The following KAZN variants were observed in gnomAD, a reference collection of about 807,000 sequenced individuals.
KAZN encodes kazrin, periplakin interacting protein, also known as kazrin.
In KAZN, 40 loss-of-function variants were observed where a neutral mutation model predicts 87.4. That is an observed-to-expected ratio of 0.46 (90% CI 0.36 to 0.60). KAZN has a LOEUF of 0.60. Ranked by LOEUF, KAZN falls within the 20% of genes least tolerant of loss-of-function variation. The probability of loss-of-function intolerance (pLI) is 0.00; values close to 1 mark genes in which losing one functional copy is unlikely to be tolerated. For missense variants in KAZN, 898 were observed against 1,073.9 expected (o/e 0.84, Z 2.29); for synonymous variants, 466 against 458.3 (o/e 1.02, Z -0.22).
chr1:14,290,683 C>T (rs887554162), intron 2 of KAZN, among the ~76,000 whole-genome samples: 4 of 152,170 alleles, frequency 2.6e-5, no homozygotes, highest in Non-Finnish European at 4.4e-5. Context: ...CTTCTGTCAG[C>T]TTGTCAAAGT....
chr1:14,419,853 C>G (rs1369523311), intron 2 of KAZN, among the ~76,000 whole-genome samples: 2 of 152,048 alleles, frequency 1.3e-5, no homozygotes, highest in African/African-American at 4.8e-5. Flanking sequence ...GACACCTTTG[C>G]GGCGAGTATT....
At chr1:13,942,196 A>G (rs1640952582) in intron 1 of KAZN, among the ~76,000 whole-genome samples, 1 of 152,126 alleles carries the variant, frequency 6.6e-6, no homozygotes, top group South Asian at 2.1e-4. Flanking sequence ...GATTGAGGTG[A>G]TTTACCTTCA....
At chr1:15,002,200 C>T (rs756513307) in intron 2 of KAZN, among the ~76,000 whole-genome samples, 7 of 152,106 alleles carry the variant, frequency 4.6e-5, no homozygotes, top group African/African-American at 1.2e-4. Context: ...ATGTATTCGA[C>T]GGTCACAGTC....
intron 1 of KAZN, among the ~76,000 whole-genome samples, chr1:13,953,570 T>G (rs1641433272): frequency 6.6e-6 from 1 of 152,238 alleles, no homozygotes; most frequent in African/African-American, 2.4e-5. Flanking sequence ...TGATCTCAAT[T>G]TGATTCTCAT....
At chr1:15,064,218 G>A (rs1017483831) in intron 7 of KAZN, among the ~76,000 whole-genome samples, 1 of 152,176 alleles carries the variant, frequency 6.6e-6, no homozygotes, top group African/African-American at 2.4e-5. Context: ...GGTCTGCAGG[G>A]GTCTCTGAAG....
At chr1:14,827,160 T>C (rs705579) in intron 1 of KAZN, among the ~76,000 whole-genome samples, 144,634 of 152,286 alleles carry the variant, frequency 0.95, 68,943 homozygotes, top group African/African-American at 0.99. Flanking sequence ...GGTAACTTTC[T>C]GTCATGCAGG....
intron 1 of KAZN, among the ~76,000 whole-genome samples, chr1:13,999,500 GA>G (rs1639686740): frequency 6.6e-6 from 1 of 152,188 alleles, no homozygotes; most frequent in African/African-American, 2.4e-5. Flanking sequence ...GAAGTTATTT[GA>G]AATCAGTGAG....
intron 7 of KAZN, 104 bp from the exon 8 acceptor site, chr1:15,065,526 A>T: frequency 1.0e-6 from 1 of 986,410 alleles, no homozygotes; most frequent in Non-Finnish European, 1.5e-6. Flanking sequence ...AAGCTCAGAG[A>T]GGCCTTCCCC....
At position 14,524,323 on chromosome 1, in the gene KAZN, A is replaced by G. The variant is rs80027841; in HGVS notation, c.250-74660A>G. Among the ~76,000 whole-genome samples the G allele has an allele frequency of 3.0e-4, 45 of 152,174 alleles. No homozygotes were observed. In the East Asian group the frequency reaches 7.4e-3, roughly 25 times the overall value. Reference sequence around the variant, plus strand: ...AGGCATGAGCCACCGCACCCAACGAAGGTGTGTCACTTGTGTGCGTTTGTG... The same window carrying G: ...AGGCATGAGCCACCGCACCCAACGAGGGTGTGTCACTTGTGTGCGTTTGTG... On this transcript the variant is annotated intron_variant, in intron 2 of 16. Transcript: ENST00000636203.
chr1:14,476,561 G>T (rs1179246017), intron 2 of KAZN, among the ~76,000 whole-genome samples: 1 of 152,056 alleles, frequency 6.6e-6, no homozygotes, highest in Non-Finnish European at 1.5e-5. Context: ...AAATTGTACT[G>T]GTAATTACTT....
chr1:14,764,579 C>T (rs1298633385), intron 1 of KAZN, among the ~76,000 whole-genome samples: 1 of 152,014 alleles, frequency 6.6e-6, no homozygotes, highest in Non-Finnish European at 1.5e-5. Flanking sequence ...ACCCATGTAT[C>T]TTAAATGCCT....
chr1:15,086,314 G>A (rs1640255151), intron 8 of KAZN, among the ~76,000 whole-genome samples: 1 of 152,080 alleles, frequency 6.6e-6, no homozygotes, highest in South Asian at 2.1e-4. Flanking sequence ...AGAACAATTC[G>A]GCTTGCAGTG....
At chr1:14,650,101 C>G (rs935365745) in intron 1 of KAZN, among the ~76,000 whole-genome samples, 2 of 148,666 alleles carry the variant, frequency 1.3e-5, no homozygotes, top group African/African-American at 5.0e-5. Flanking sequence ...AGTAATTTTC[C>G]CATAGTCACA....
chr1:14,317,269 C>A (rs1338765504), intron 2 of KAZN, among the ~76,000 whole-genome samples: 1 of 151,856 alleles, frequency 6.6e-6, no homozygotes, highest in Non-Finnish European at 1.5e-5. Context: ...TATCATTGTA[C>A]AATATTCATC....
intron 1 of KAZN, among the ~76,000 whole-genome samples, chr1:14,755,266 C>A (rs532134961): frequency 6.6e-6 from 1 of 151,764 alleles, no homozygotes; most frequent in Non-Finnish European, 1.5e-5. Flanking sequence ...AACAAATGAA[C>A]AAAAAACAGG....
intron 1 of KAZN, among the ~76,000 whole-genome samples, chr1:14,019,529 C>T (rs1433201204): frequency 1.3e-5 from 2 of 152,164 alleles, no homozygotes; most frequent in Non-Finnish European, 2.9e-5. Context: ...GTCCCCTTTC[C>T]TCCACCATGA....
At chr1:14,336,912 T>C (rs753014832) in intron 2 of KAZN, among the ~76,000 whole-genome samples, 1 of 152,228 alleles carries the variant, frequency 6.6e-6, no homozygotes, top group Non-Finnish European at 1.5e-5. Context: ...TCCATCTTGA[T>C]AGTGTCCTTT....
intron 2 of KAZN, among the ~76,000 whole-genome samples, chr1:14,253,850 G>A (rs1007741994): frequency 2.0e-5 from 3 of 151,072 alleles, no homozygotes; most frequent in African/African-American, 2.4e-5. Flanking sequence ...TATTCATGTC[G>A]CAGATGTATG....
chr1:14,148,452 T>C (rs932550890), intron 1 of KAZN, among the ~76,000 whole-genome samples: 2 of 152,214 alleles, frequency 1.3e-5, no homozygotes, highest in South Asian at 2.1e-4. Context: ...ATTTTGGTAA[T>C]AGTAGATTCA....
Sources: gnomAD v4.1 joint callset for allele counts (sites outside exome capture counted in the v4.1 genomes callset) on GRCh38, gnomAD v4.1.1 for gene constraint, MANE v1.5 for transcripts, NCBI Gene and HGNC (gene_info 2026-07-23, HGNC 2026-07-21) for gene names.